STRN4: variants seen among roughly 807,000 people sequenced by gnomAD.
STRN4 encodes striatin 4.
In STRN4, 27 loss-of-function variants were observed where a neutral mutation model predicts 77.9. That is an observed-to-expected ratio of 0.35 (90% CI 0.26 to 0.48). STRN4 has a LOEUF of 0.48. Ranked by LOEUF, STRN4 falls within the 20% of genes least tolerant of loss-of-function variation. STRN4 has a pLI of 0.99. For missense variants in STRN4, 798 were observed against 1,049.7 expected, an observed-to-expected ratio of 0.76 and a Z score of 3.31; for synonymous variants, 466 against 443.1, an observed-to-expected ratio of 1.05 and a Z score of -0.65.
At position 46,731,291 on chromosome 19, in the gene STRN4, C is replaced by A. The variant is rs552324261; in HGVS notation, c.738-418G>T. Among the ~76,000 whole-genome samples the A allele has an allele frequency of 2.0e-5, 3 of 152,326 alleles. No individual in the cohort carries two copies. The South Asian group carries it at 6.2e-4, about 32-fold the overall frequency. ...AAACACGCCCTGCAGGAAAGAGGAA[C>A]CGGCCATTCTACAAATGCTCTGGGA... On this transcript the variant is annotated intron_variant, in intron 5 of 17. Transcript: ENST00000263280.
In STRN4 at chr19:46,733,649, A is replaced by G. The variant is rs2054301169; in HGVS notation, c.540-413T>C. Among the ~76,000 whole-genome samples the G allele has an allele frequency of 1.3e-5, 2 of 152,330 alleles. No homozygotes were observed. Among genetic ancestry groups the G allele is most frequent in the East Asian group, 1.9e-4 (1 of 5,190 alleles). Reference sequence around the variant, plus strand: ...CACATGATGCCAATGTTTGTAGAAAAAAACAAAAAGGCGTTAATGTGCATA... The same window carrying G: ...CACATGATGCCAATGTTTGTAGAAAGAAACAAAAAGGCGTTAATGTGCATA... On this transcript the variant is annotated intron_variant, in intron 4 of 17. Transcript: ENST00000263280. This position sits in a 1 kb window ranked among gnomAD's most constrained non-coding sequence, Gnocchi z 4.3.
rs73565175 is a variant in STRN4, at chr19:46,722,416, C to T, written c.1907-76G>A. The T allele has an allele frequency of 8.4e-3, 12,081 of 1,439,196 alleles. 382 individuals are homozygous for T. In the African/African-American group the frequency reaches 0.088, roughly 10 times the overall value. The allele number at this position is 1,439,196 out of a possible 1,614,324, so 89.2% of individuals were successfully genotyped here. A position where few individuals can be genotyped will look rare whatever the true frequency, so the allele number is the denominator to read the frequency against. ...GACCAGAACAGAGGCACAAGCGCAG[C>T]GTGACAGCCCCTACACCAGCCTCTG... On this transcript the variant is annotated intron_variant, in intron 14 of 17. Coordinates refer to ENST00000263280, the MANE Select transcript of STRN4 (RefSeq NM_013403.3).
intron 9 of STRN4, among the ~76,000 whole-genome samples, chr19:46,726,887 C>T (rs779104276): frequency 3.4e-4 from 51 of 152,146 alleles, no homozygotes; most frequent in Non-Finnish European, 6.0e-4. Context: ...CATCTTGGGG[C>T]GTGCAGAGGG....
At chr19:46,732,785 G>A (rs1325413833) in intron 5 of STRN4, 6 of 488,276 alleles carry the variant, frequency 1.2e-5, no homozygotes, top group South Asian at 1.1e-4. Context: ...CCGAGAAGCG[G>A]GCAGGCCTGA....
chr19:46,738,316 C>T lies in STRN4; in HGVS notation c.387-79G>A. On this transcript the variant is annotated intron_variant, in intron 2 of 17. Transcript: ENST00000263280. This position sits in a 1 kb window ranked among gnomAD's most constrained non-coding sequence, Gnocchi z 4.5. ...GTAGTTACCTAAGGAATCCAGAATCCCAAACCCCAAATCACAGGGCCTCCC... is the reference window on the plus strand; with the variant it reads ...GTAGTTACCTAAGGAATCCAGAATCTCAAACCCCAAATCACAGGGCCTCCC... 8.9e-6 allele frequency: 12 copies of T among 1,340,886 alleles called. No individual in the cohort carries two copies. In the South Asian group the frequency reaches 9.4e-5, roughly 10 times the overall value. The allele number at this position is 1,340,886 out of a possible 1,614,324, so 83.1% of individuals were successfully genotyped here.
chr19:46,739,057 A>G (rs1328561903), intron 1 of STRN4, among the ~76,000 whole-genome samples, 169 bp from the exon 2 acceptor site: 1 of 152,212 alleles, frequency 6.6e-6, no homozygotes, highest in Admixed American at 6.5e-5. Flanking sequence ...GAGCACTGAG[A>G]GGACAGGATG....
chr19:46,720,342 C>T lies in STRN4; in HGVS notation c.*67-4G>A, dbSNP rs1250348523. The stretch of plus-strand genomic sequence containing the variant: ...CTCCAGCGAGGCTGGGAGTCCCCTG[C>T]GGGAAAGAGAAGGGAGGGGAGACTG... On this transcript the variant is annotated splice_region_variant and splice_polypyrimidine_tract_variant and intron_variant, in intron 17 of 17. Transcript: ENST00000263280. 7 of 364,236 alleles carry T rather than the reference C, an allele frequency of 1.9e-5. No homozygotes were observed. The highest frequency in any genetic ancestry group is 1.4e-4 in the Admixed American group (3 of 21,200). 22.6% of individuals were successfully genotyped at this position (364,236 alleles called of 1,614,324 possible). A position where few individuals can be genotyped will look rare whatever the true frequency, so the allele number is the denominator to read the frequency against.
intron 9 of STRN4, chr19:46,726,332 C>T (rs2054112966): frequency 6.6e-6 from 1 of 152,270 alleles, no homozygotes; most frequent in African/African-American, 2.4e-5. Flanking sequence ...CCCTGAGAGG[C>T]TCAGATTAGG....
intron 8 of STRN4, 114 bp downstream of exon 8, chr19:46,727,780 G>A (rs1399953755): frequency 4.0e-6 from 4 of 997,456 alleles, no homozygotes; most frequent in East Asian, 2.6e-5. Flanking sequence ...CAGGGAGGCT[G>A]CAGACTGGAG....
chr19:46,733,261 G>A lies in STRN4; in HGVS notation c.540-25C>T. 1.2e-6 allele frequency: 2 copies of A among 1,601,922 alleles called. No individual in the cohort carries two copies. Among genetic ancestry groups the A allele is most frequent in the Non-Finnish European group, 1.7e-6 (2 of 1,177,156 alleles). ...CCTGCAGGGGTGCAGAGCCACGTGG[G>A]TCAGACATCCCCTGGGCTTCTTCAT... On this transcript the variant is annotated intron_variant, in intron 4 of 17. Coordinates refer to ENST00000263280, the MANE Select transcript of STRN4 (RefSeq NM_013403.3). This position sits in a 1 kb window ranked among gnomAD's most constrained non-coding sequence, Gnocchi z 4.3.
intron 5 of STRN4, 58 bp downstream of exon 5, chr19:46,732,981 G>C (rs2054285815): frequency 1.9e-6 from 3 of 1,557,574 alleles, no homozygotes; most frequent in Non-Finnish European, 2.6e-6. Context: ...TCTGACCCTG[G>C]CCTTCACCAG....
rs778246160 is a variant in STRN4 at position 46,730,714 on chromosome 19, C to A, written c.879+18G>T. The stretch of plus-strand genomic sequence containing the variant: ...CACACCCAGGCCAGGCTGTGCAGGG[C>A]ATGGAGGAAGGGCTCACCTTCACAC... On this transcript the variant is annotated intron_variant, in intron 6 of 17. Transcript: ENST00000263280. 5.6e-6 allele frequency: 9 copies of A among 1,610,192 alleles called. No individual in the cohort carries two copies. The highest frequency in any genetic ancestry group is 2.7e-5 in the African/African-American group (2 of 74,900).
At position 46,724,796 on chromosome 19, in the gene STRN4, G is replaced by A. The variant is rs747165734; in HGVS notation, c.1594+11C>T. 26 of 1,613,762 alleles carry A rather than the reference G, an allele frequency of 1.6e-5. No homozygotes were observed. The highest frequency in any genetic ancestry group is 6.6e-5 in the South Asian group (6 of 91,086). Reference sequence around the variant, plus strand: ...TGGATGTGAGGGGAAGGCGGGAGGCGTTGTCCTCACCGTAGCCATCATAGG... The same window carrying A: ...TGGATGTGAGGGGAAGGCGGGAGGCATTGTCCTCACCGTAGCCATCATAGG... On this transcript the variant is annotated intron_variant, in intron 12 of 17. Coordinates refer to ENST00000263280, the MANE Select transcript of STRN4 (RefSeq NM_013403.3).
Position 46,724,930 on chromosome 19 carries a change from T to C in STRN4, c.1473-2A>G. ...ATAGCCACAGCCAACACTGGGCCCC[T>C]GGAAGGGACAAATATGTGGAAAGGG... On this transcript the variant is annotated splice_acceptor_variant, in intron 11 of 17. Transcript: ENST00000263280. LOFTEE classifies it high-confidence loss of function. 1.9e-6 allele frequency: 3 copies of C among 1,613,890 alleles called. No individual in the cohort carries two copies. Among genetic ancestry groups the C allele is most frequent in the Non-Finnish European group, 2.5e-6 (3 of 1,180,016 alleles).
At chr19:46,725,876 G>A (rs963674977) in intron 9 of STRN4, 7 of 584,356 alleles carry the variant, frequency 1.2e-5, no homozygotes, top group Non-Finnish European at 2.1e-5. Flanking sequence ...AGACAAAGGT[G>A]AGCCTGACCC....
chr19:46,730,533 C>T (rs2054224224), intron 6 of STRN4, among the ~76,000 whole-genome samples, 199 bp downstream of exon 6: 1 of 152,224 alleles, frequency 6.6e-6, no homozygotes. Flanking sequence ...GCCCCTGCCT[C>T]CACCACAACG....
chr19:46,736,969 C>T, intron 3 of STRN4, 68 bp from the exon 4 acceptor site: 1 of 1,530,494 alleles, frequency 6.5e-7, no homozygotes, highest in African/African-American at 1.4e-5. Context: ...CCTCCTCCAT[C>T]TTCCTCACCC....
In STRN4 at chr19:46,733,142, C is replaced by T; in HGVS notation, c.634G>A (p.Ala212Thr). The T allele has an allele frequency of 6.2e-7, 1 of 1,612,454 alleles. No individual in the cohort carries two copies. The highest frequency in any genetic ancestry group is 8.5e-7 in the Non-Finnish European group (1 of 1,179,984). ...LLGRSLELNG[A>T]VEPSEGAPRA... ...GGGGCCCCTTCACTCGGCTCCACTG[C>T]CCCGTTGAGCTCCAGCGAGCGGCCC... is the stretch of plus-strand genomic sequence containing the variant. The change falls in exon 5 of 18, where the codon GCA (alanine) becomes ACA (threonine). Residue 212 changes from alanine (A) to threonine (T), a missense_variant. Physicochemically the swap from Ala to Thr is moderately conservative, Grantham distance 58 (BLOSUM62 0). Transcript: ENST00000263280. This position sits in a 1 kb window ranked among gnomAD's most constrained non-coding sequence, Gnocchi z 4.3.
At chr19:46,736,695 A>G in intron 4 of STRN4, 128 bp downstream of exon 4, 8 of 1,031,520 alleles carry the variant, frequency 7.8e-6, no homozygotes, top group Non-Finnish European at 1.1e-5. Context: ...CATTCCAGCC[A>G]TGGCTGGCTA....
Sources: allele counts gnomAD v4.1 joint callset (sites outside exome capture counted in the v4.1 genomes callset), GRCh38; gene constraint gnomAD v4.1.1; non-coding constraint Gnocchi (gnomAD v3.1); transcripts MANE v1.5; gene names NCBI Gene and HGNC (gene_info 2026-07-23, HGNC 2026-07-21).